Variants in ULK4 observed in about 807,000 individuals in gnomAD.
The protein encoded by ULK4 is unc-51 like kinase 4, also known as inactive serine/threonine-protein kinase ULK4.
In ULK4, 133 loss-of-function variants were observed where a neutral mutation model predicts 160.6. The ratio of observed to expected loss-of-function variants is 0.83; its 90% CI spans 0.72 to 0.96. The LOEUF is 0.96. ULK4 is among the 40% of genes least tolerant of loss of function. The pLI is 0.00. For missense variants in ULK4, 1,580 were observed against 1,499.5 expected (o/e 1.05, Z -0.89); for synonymous variants, 534 against 539.8 (o/e 0.99, Z 0.15).
chr3:41,278,171 C>T (rs947028592), intron 35 of ULK4: 1 of 152,380 alleles, frequency 6.6e-6, no homozygotes, highest in South Asian at 2.1e-4. Context: ...GGTCCCACGC[C>T]CACAGAGCCT....
intron 31 of ULK4, among the ~76,000 whole-genome samples, chr3:41,586,905 T>G (rs1174124081): frequency 6.6e-6 from 1 of 152,158 alleles, no homozygotes; most frequent in African/African-American, 2.4e-5. Context: ...TATTTGATAG[T>G]ATTAATAAAT....
At chr3:41,326,447 T>C (rs997234329) in intron 35 of ULK4, among the ~76,000 whole-genome samples, 1 of 136,956 alleles carries the variant, frequency 7.3e-6, no homozygotes, top group Non-Finnish European at 1.5e-5. Flanking sequence ...TACATGCATA[T>C]ATACATATAT....
At chr3:41,324,995 T>C (rs2080313596) in intron 35 of ULK4, among the ~76,000 whole-genome samples, 1 of 152,114 alleles carries the variant, frequency 6.6e-6, no homozygotes, top group African/African-American at 2.4e-5. Context: ...AGAAGGTAAC[T>C]ACCCAGCCAA....
At chr3:41,746,923 C>T (rs2125887831) in intron 22 of ULK4, among the ~76,000 whole-genome samples, 1 of 152,052 alleles carries the variant, frequency 6.6e-6, no homozygotes, top group South Asian at 2.1e-4. Flanking sequence ...CAACAAATAA[C>T]ACCAGAGCAA....
rs140520758 is a variant in ULK4 at position 41,773,622 on chromosome 3, A to G, written c.2193+16039T>C. The stretch of plus-strand genomic sequence containing the variant: ...CCATGCTCATGGATAGGAAGAATCA[A>G]TATCGTGAAAAGGGCCATACTGCCC... On this transcript the variant is annotated intron_variant, in intron 21 of 36. Coordinates refer to ENST00000301831, the MANE Select transcript of ULK4 (RefSeq NM_017886.4). Among the ~76,000 whole-genome samples the G allele has an allele frequency of 3.6e-4, 55 of 152,298 alleles. 2 individuals are homozygous for G. The highest frequency in any genetic ancestry group is 1.3e-3 in the African/African-American group (52 of 41,552).
intron 32 of ULK4, among the ~76,000 whole-genome samples, chr3:41,486,844 C>G (rs138433171): frequency 1.3e-5 from 2 of 152,118 alleles, no homozygotes; most frequent in South Asian, 4.1e-4. Context: ...AAGGGAAACA[C>G]TAGAAGCATA....
chr3:41,360,373 C>T (rs2081117707), intron 35 of ULK4, among the ~76,000 whole-genome samples: 1 of 152,152 alleles, frequency 6.6e-6, no homozygotes, highest in Non-Finnish European at 1.5e-5. Context: ...CCTCAAAGAC[C>T]TGGAGGCAGA....
chr3:41,517,226 C>T (rs369658596), intron 32 of ULK4, among the ~76,000 whole-genome samples: 9 of 41,210 alleles, frequency 2.2e-4, no homozygotes, highest in Admixed American at 3.6e-4. Flanking sequence ...ATATCAAATG[C>T]TGGCAAAAAT....
At chr3:41,935,709 C>A (rs569759120) in intron 4 of ULK4, 92 bp downstream of exon 4, 2 of 1,432,082 alleles carry the variant, frequency 1.4e-6, no homozygotes, top group East Asian at 2.4e-5. Flanking sequence ...ATATTCTATA[C>A]CAAAATTTTA....
intron 18 of ULK4, among the ~76,000 whole-genome samples, chr3:41,827,190 G>A (rs1156885026): frequency 6.9e-6 from 1 of 144,600 alleles, no homozygotes; most frequent in East Asian, 2.0e-4. Context: ...AGCACTAAAT[G>A]CCCACAAGAG....
rs150341090 is a variant in ULK4 at position 41,590,038 on chromosome 3, T to C, written c.3121-23908A>G. On this transcript the variant is annotated intron_variant, in intron 31 of 36. Coordinates refer to ENST00000301831, the MANE Select transcript of ULK4 (RefSeq NM_017886.4). ...TTTTTTTTAAGACAGAGTTTCTCTC[T>C]GTCACCCAGGCTGGAGTACAGTGGC... Among the ~76,000 whole-genome samples, 671 of 152,024 alleles carry C rather than the reference T, an allele frequency of 4.4e-3. 4 individuals carry two copies. The highest frequency in any genetic ancestry group is 0.017 in the Middle Eastern group (5 of 294).
At chr3:41,813,544 A>T (rs1178864403) in intron 19 of ULK4, among the ~76,000 whole-genome samples, 1 of 152,224 alleles carries the variant, frequency 6.6e-6, no homozygotes, top group Non-Finnish European at 1.5e-5. Flanking sequence ...TGAATTTTTT[A>T]AAAGTACTAG....
intron 31 of ULK4, among the ~76,000 whole-genome samples, chr3:41,567,406 T>C (rs2087817977): frequency 6.7e-6 from 1 of 150,116 alleles, no homozygotes; most frequent in South Asian, 2.1e-4. Context: ...AATAGGGTGC[T>C]CAGGATAAGA....
At chr3:41,772,027 C>A (rs2039401930) in intron 21 of ULK4, among the ~76,000 whole-genome samples, 1 of 152,034 alleles carries the variant, frequency 6.6e-6, no homozygotes, top group Non-Finnish European at 1.5e-5. Context: ...GGGTTACCAC[C>A]ACAGCTATTC....
At chr3:41,252,601 C>A (rs2078763378) in intron 35 of ULK4, among the ~76,000 whole-genome samples, 1 of 128,598 alleles carries the variant, frequency 7.8e-6, no homozygotes, top group Admixed American at 8.5e-5. Flanking sequence ...ATCTCAGCAG[C>A]AGAGATTGAA....
intron 32 of ULK4, among the ~76,000 whole-genome samples, chr3:41,500,751 A>G (rs2085173650): frequency 6.6e-6 from 1 of 151,880 alleles, no homozygotes; most frequent in African/African-American, 2.4e-5. Flanking sequence ...CAATCTCCAA[A>G]CCCTGGAACT....
chr3:41,850,271 T>C (rs1004114880), intron 17 of ULK4, among the ~76,000 whole-genome samples: 4 of 152,248 alleles, frequency 2.6e-5, no homozygotes, highest in Non-Finnish European at 5.9e-5. Flanking sequence ...GCAATAAACA[T>C]ACGTGTGCAT....
intron 35 of ULK4, among the ~76,000 whole-genome samples, chr3:41,348,424 G>A (rs60471819): frequency 0.039 from 5,887 of 152,052 alleles, 299 homozygotes; most frequent in East Asian, 0.19. Context: ...TTGTGCAAGG[G>A]CTTTATTGAC....
chr3:41,583,517 T>C (rs563160538), intron 31 of ULK4, among the ~76,000 whole-genome samples: 39 of 152,346 alleles, frequency 2.6e-4, no homozygotes, highest in African/African-American at 9.4e-4. Context: ...ACTATAATTA[T>C]AGTCTCACTC....
Sources: allele counts gnomAD v4.1 joint callset (sites outside exome capture counted in the v4.1 genomes callset), GRCh38; gene constraint gnomAD v4.1.1; transcripts MANE v1.5; gene names NCBI Gene and HGNC (gene_info 2026-07-23, HGNC 2026-07-21).